TAFA2: variants seen among roughly 807,000 people sequenced by gnomAD.
TAFA2 encodes the protein chemokine-like protein TAFA-2.
Under a neutral mutation model 18.8 loss-of-function variants are expected in TAFA2, and 7 were observed. The ratio of observed to expected loss-of-function variants is 0.37; its 90% CI spans 0.21 to 0.70. The LOEUF (loss-of-function observed/expected upper bound fraction) is 0.70. TAFA2 is among the 30% of genes least tolerant of loss of function. TAFA2 has a pLI of 0.53. For missense variants in TAFA2, 122 were observed against 158.1 expected, an observed-to-expected ratio of 0.77 and a Z score of 1.23; for synonymous variants, 60 against 54.2, an observed-to-expected ratio of 1.11 and a Z score of -0.47.
intron 1 of TAFA2, among the ~76,000 whole-genome samples, chr12:62,161,370 C>G (rs1388960091): frequency 6.6e-6 from 1 of 152,078 alleles, no homozygotes; most frequent in Non-Finnish European, 1.5e-5. Context: ...TACTATTCAG[C>G]CATAAAAAGA....
At chr12:62,116,715 G>A (rs1483505479) in intron 1 of TAFA2, among the ~76,000 whole-genome samples, 1 of 151,132 alleles carries the variant, frequency 6.6e-6, no homozygotes, top group Non-Finnish European at 1.5e-5. Context: ...CTGGAAAACA[G>A]CAGACACTAA....
At chr12:61,897,126 C>T (rs2121308083) in intron 1 of TAFA2, among the ~76,000 whole-genome samples, 1 of 152,190 alleles carries the variant, frequency 6.6e-6, no homozygotes, top group African/African-American at 2.4e-5. Flanking sequence ...ATAACAATAA[C>T]ATTACCATTG....
chr12:62,123,764 C>A (rs1870320135), intron 1 of TAFA2, among the ~76,000 whole-genome samples: 1 of 108,824 alleles, frequency 9.2e-6, no homozygotes, highest in Admixed American at 9.1e-5. Flanking sequence ...ATTCTCAAAT[C>A]TCCCCCACCA....
chr12:61,981,684 T>C (rs1483373536), intron 1 of TAFA2, among the ~76,000 whole-genome samples: 1 of 152,170 alleles, frequency 6.6e-6, no homozygotes, highest in Admixed American at 6.5e-5. Flanking sequence ...AAGACAATTA[T>C]GTAGCCAACA....
chr12:61,765,775 C>T (rs1368067680), intron 2 of TAFA2, among the ~76,000 whole-genome samples: 2 of 151,958 alleles, frequency 1.3e-5, no homozygotes, highest in African/African-American at 4.8e-5. Context: ...TTATGTAATG[C>T]AGATATCTAA....
At chr12:61,927,814 T>A (rs533818202) in intron 1 of TAFA2, among the ~76,000 whole-genome samples, 1 of 152,076 alleles carries the variant, frequency 6.6e-6, no homozygotes, top group South Asian at 2.1e-4. Flanking sequence ...AAAACAGATA[T>A]ACAGACCAAT....
Position 61,964,846 on chromosome 12 carries a change from C to A in TAFA2, c.-1-97420G>T, listed in dbSNP as rs562245276. ...GACATGTGAACTTCCTATGTGAAGC[C>A]TTTTCTAATTTATTCCTACTATCCC... is the stretch of plus-strand genomic sequence containing the variant. On this transcript the variant is annotated intron_variant, in intron 1 of 4. Coordinates refer to ENST00000416284, the MANE Select transcript of TAFA2 (RefSeq NM_178539.5). Among the ~76,000 whole-genome samples, 7 of 151,912 alleles carry A rather than the reference C, an allele frequency of 4.6e-5. No individual in the cohort carries two copies. The East Asian group carries it at 1.2e-3, about 25-fold the overall frequency.
chr12:61,794,859 CA>C (rs1407377676), intron 2 of TAFA2, among the ~76,000 whole-genome samples: 1 of 151,922 alleles, frequency 6.6e-6, no homozygotes, highest in Non-Finnish European at 1.5e-5. Flanking sequence ...CCAGAATCTA[CA>C]AAGAAATCAA....
At chr12:61,957,074 G>A (rs944720456) in intron 1 of TAFA2, among the ~76,000 whole-genome samples, 7 of 152,076 alleles carry the variant, frequency 4.6e-5, no homozygotes, top group East Asian at 1.9e-4. Context: ...CAGGTGTATC[G>A]CTGACAGAGA....
intron 1 of TAFA2, among the ~76,000 whole-genome samples, chr12:61,906,759 T>C (rs934094093): frequency 2.0e-5 from 3 of 152,164 alleles, no homozygotes; most frequent in Non-Finnish European, 4.4e-5. Flanking sequence ...ATATGGACAA[T>C]GCAGTCCAGG....
In TAFA2 at chr12:61,856,021, C is replaced by A. The variant is rs564761699; in HGVS notation, c.106+11299G>T. Among the ~76,000 whole-genome samples the A allele has an allele frequency of 9.2e-5, 14 of 152,146 alleles. No homozygotes were observed. The South Asian group carries it at 2.9e-3, about 32-fold the overall frequency. ...ACAAAGACACAAAACCCATGTCTAT[C>A]TAGATATCTATCTAGAGATGGGTTA... On this transcript the variant is annotated intron_variant, in intron 2 of 4. Transcript: ENST00000416284.
At chr12:62,026,510 C>G (rs2136738655) in intron 1 of TAFA2, among the ~76,000 whole-genome samples, 1 of 152,210 alleles carries the variant, frequency 6.6e-6, no homozygotes, top group South Asian at 2.1e-4. Context: ...GATTCTCTTT[C>G]CGACTCCAGC....
At chr12:62,237,973 G>C (rs2062845692) in intron 1 of TAFA2, among the ~76,000 whole-genome samples, 2 of 152,220 alleles carry the variant, frequency 1.3e-5, no homozygotes, top group South Asian at 2.1e-4. Context: ...AAAGAGCAGA[G>C]TTTCATGAGC....
At chr12:62,227,644 A>G (rs1370856678) in intron 1 of TAFA2, among the ~76,000 whole-genome samples, 1 of 152,118 alleles carries the variant, frequency 6.6e-6, no homozygotes, top group Middle Eastern at 3.4e-3. Context: ...ACATTTGTCT[A>G]TTTGTGCTTT....
At chr12:61,995,309 T>C (rs1880147503) in intron 1 of TAFA2, among the ~76,000 whole-genome samples, 1 of 152,206 alleles carries the variant, frequency 6.6e-6, no homozygotes. Flanking sequence ...TGTTCAAGAA[T>C]GTACTTCTCC....
chr12:61,896,182 G>A (rs115581453), intron 1 of TAFA2, among the ~76,000 whole-genome samples: 1 of 152,048 alleles, frequency 6.6e-6, no homozygotes, highest in Non-Finnish European at 1.5e-5. Context: ...CTTTATTTTT[G>A]TTTCATTTCT....
chr12:61,969,173 A>G (rs1266272740), intron 1 of TAFA2, among the ~76,000 whole-genome samples: 1 of 151,756 alleles, frequency 6.6e-6, no homozygotes, highest in Non-Finnish European at 1.5e-5. Context: ...ATGCCACCAT[A>G]AGTAATCAAT....
chr12:61,944,987 G>GC (rs1242599744), intron 1 of TAFA2, among the ~76,000 whole-genome samples: 1 of 150,434 alleles, frequency 6.6e-6, no homozygotes, highest in Non-Finnish European at 1.5e-5. Context: ...CCAAAGACTG[G>GC]CAGAGACACA....
intron 1 of TAFA2, among the ~76,000 whole-genome samples, chr12:61,910,116 GT>G (rs1876545006): frequency 5.3e-5 from 8 of 151,374 alleles, no homozygotes; most frequent in Non-Finnish European, 1.2e-4. Flanking sequence ...GTGTGTGTGT[GT>G]GTGTGTGTGT....
Sources: gnomAD v4.1 joint callset for allele counts (sites outside exome capture counted in the v4.1 genomes callset) on GRCh38, gnomAD v4.1.1 for gene constraint, MANE v1.5 for transcripts, NCBI Gene and HGNC (gene_info 2026-07-23, HGNC 2026-07-21) for gene names.